PCDH15: variants seen among roughly 807,000 people sequenced by gnomAD.
PCDH15 encodes the protein protocadherin related 15.
A neutral mutation model predicts 178.5 loss-of-function variants in PCDH15; 129 were observed. The ratio of observed to expected loss-of-function variants is 0.72; its 90% CI spans 0.63 to 0.84. PCDH15 has a LOEUF of 0.84. Ranked by LOEUF, PCDH15 falls within the 40% of genes least tolerant of loss-of-function variation. The pLI, the probability that PCDH15 is intolerant of heterozygous loss-of-function variation, is 0.00. For synonymous variants in PCDH15, 800 were observed against 732.0 expected (o/e 1.09, Z -1.50); for missense variants, 2,230 against 2,099.9 (o/e 1.06, Z -1.21).
At chr10:55,028,005 A>G (rs757360364) in intron 2 of PCDH15, among the ~76,000 whole-genome samples, 4 of 151,866 alleles carry the variant, frequency 2.6e-5, no homozygotes, top group Non-Finnish European at 5.9e-5. Flanking sequence ...AAAAAACTCA[A>G]TCTGTGCCAG....
At chr10:54,347,349 C>A (rs147145289) in intron 5 of PCDH15, among the ~76,000 whole-genome samples, 1 of 152,050 alleles carries the variant, frequency 6.6e-6, no homozygotes, top group Admixed American at 6.6e-5. Context: ...GCATTACACA[C>A]GCCACATCAG....
intron 2 of PCDH15, among the ~76,000 whole-genome samples, chr10:55,543,484 A>G (rs1190895644): frequency 6.6e-6 from 1 of 151,354 alleles, no homozygotes; most frequent in Non-Finnish European, 1.5e-5. Context: ...TAGCTAATCT[A>G]CTTAATATGT....
intron 14 of PCDH15, among the ~76,000 whole-genome samples, chr10:54,135,760 AT>A (rs1160285453): frequency 6.6e-6 from 1 of 152,206 alleles, no homozygotes; most frequent in Admixed American, 6.5e-5. Context: ...TGAACACAGA[AT>A]TTGTAACCAG....
intron 21 of PCDH15, chr10:53,995,419 A>G (rs1345040406): frequency 3.5e-5 from 22 of 625,986 alleles, no homozygotes; most frequent in Non-Finnish European, 5.1e-5. Context: ...TAATTAGTAC[A>G]TTGTGCATTC....
intron 2 of PCDH15, among the ~76,000 whole-genome samples, chr10:54,661,640 T>C (rs117238693): frequency 0.011 from 1,604 of 152,008 alleles, 5 homozygotes; most frequent in Non-Finnish European, 0.017. Flanking sequence ...TCACATTATC[T>C]GACTTTATAC....
intron 1 of PCDH15, among the ~76,000 whole-genome samples, chr10:55,279,765 G>T (rs531814256): frequency 1.1e-4 from 16 of 152,214 alleles, no homozygotes; most frequent in Admixed American, 4.6e-4. Context: ...ACAGAAATGG[G>T]ACTACAATAA....
intron 2 of PCDH15, among the ~76,000 whole-genome samples, chr10:54,905,245 G>T (rs1487793288): frequency 6.6e-6 from 1 of 152,000 alleles, no homozygotes; most frequent in African/African-American, 2.4e-5. Context: ...TCTCAACAGG[G>T]ATTAATAATA....
rs184219867 is a variant in PCDH15 at position 55,175,519 on chromosome 10, C to T, written c.-155-8868G>A. Among the ~76,000 whole-genome samples, 60 of 151,596 alleles carry T rather than the reference C, an allele frequency of 4.0e-4. 1 individual carries two copies. The highest frequency in any genetic ancestry group is 8.4e-4 in the South Asian group (4 of 4,782). On this transcript the variant is annotated intron_variant, in intron 1 of 5. Coordinates refer to the PCDH15 transcript ENST00000458638. The stretch of plus-strand genomic sequence containing the variant: ...CTCTACTAAAAACACAAAAATTTCC[C>T]GGGCATGGTGGTGTGTGCCTATAAT...
chr10:55,619,147 T>C (rs1353221188), intron 2 of PCDH15, among the ~76,000 whole-genome samples: 2 of 152,034 alleles, frequency 1.3e-5, no homozygotes, highest in Admixed American at 6.6e-5. Context: ...AAACCCAATA[T>C]TTCTTTTGGC....
intron 18 of PCDH15, among the ~76,000 whole-genome samples, chr10:54,058,931 T>A (rs2093957598): frequency 6.6e-6 from 1 of 152,124 alleles, no homozygotes; most frequent in African/African-American, 2.4e-5. Context: ...CGACCTCAGA[T>A]GATCCACCCG....
At chr10:53,945,084 G>T (rs2086420907) in intron 23 of PCDH15, among the ~76,000 whole-genome samples, 1 of 152,122 alleles carries the variant, frequency 6.6e-6, no homozygotes, top group African/African-American at 2.4e-5. Context: ...TTTCCTCATT[G>T]TTACTATTTG....
chr10:54,410,392 G>A (rs1953317130), intron 3 of PCDH15, among the ~76,000 whole-genome samples: 1 of 152,090 alleles, frequency 6.6e-6, no homozygotes, highest in Non-Finnish European at 1.5e-5. Context: ...ATTCAGCCAT[G>A]GCTTTTAATT....
intron 2 of PCDH15, chr10:55,627,489 G>A (rs1285704578): frequency 6.6e-6 from 1 of 152,190 alleles, no homozygotes; most frequent in South Asian, 2.1e-4. Flanking sequence ...CCACGGATTT[G>A]GTTGTTCCTG....
chr10:55,017,635 TA>T lies in PCDH15; in HGVS notation c.-79-120136del, dbSNP rs1840215115. On this transcript the variant is annotated intron_variant, in intron 2 of 5. Coordinates refer to the PCDH15 transcript ENST00000458638. ...ATGTTCAAAAGTAGAATATCCTCTA[TA>T]TGCCCAAGAGAAATTTTACAATAAT... Among the ~76,000 whole-genome samples the T allele has an allele frequency of 3.3e-5, 5 of 152,252 alleles. No individual in the cohort carries two copies. The South Asian group carries it at 1.0e-3, about 32-fold the overall frequency.
intron 2 of PCDH15, among the ~76,000 whole-genome samples, chr10:55,561,412 T>C (rs1358317746): frequency 1.3e-5 from 2 of 151,898 alleles, no homozygotes; most frequent in Non-Finnish European, 2.9e-5. Flanking sequence ...ATAGCTAGAA[T>C]GTATTTATCC....
intron 3 of PCDH15, among the ~76,000 whole-genome samples, chr10:54,447,012 C>T (rs1273996753): frequency 6.6e-6 from 1 of 151,570 alleles, no homozygotes; most frequent in Non-Finnish European, 1.5e-5. Flanking sequence ...CCTAAAACTC[C>T]CCCTCTCTTA....
At chr10:54,164,294 A>G (rs1325936173) in intron 13 of PCDH15, among the ~76,000 whole-genome samples, 1 of 152,200 alleles carries the variant, frequency 6.6e-6, no homozygotes, top group Non-Finnish European at 1.5e-5. Flanking sequence ...TAAATATTTC[A>G]TCTCTCTGCC....
At chr10:53,937,135 A>C (rs902470457) in intron 25 of PCDH15, among the ~76,000 whole-genome samples, 5 of 152,188 alleles carry the variant, frequency 3.3e-5, no homozygotes, top group Admixed American at 2.6e-4. Flanking sequence ...GGAAGTATAC[A>C]CATGTGCATT....
At chr10:55,025,841 G>T (rs545678478) in intron 2 of PCDH15, among the ~76,000 whole-genome samples, 2 of 151,858 alleles carry the variant, frequency 1.3e-5, no homozygotes, top group African/African-American at 4.8e-5. Flanking sequence ...AAACAGAAAG[G>T]TTCCTGCGAT....
Sources: gnomAD v4.1 joint callset for allele counts (sites outside exome capture counted in the v4.1 genomes callset) on GRCh38, gnomAD v4.1.1 for gene constraint, MANE v1.5 for transcripts, NCBI Gene and HGNC (gene_info 2026-07-23, HGNC 2026-07-21) for gene names.